DNM2: variants seen among roughly 807,000 people sequenced by gnomAD.
The protein encoded by DNM2 is dynamin 2.
In DNM2, 15 loss-of-function variants were observed where a neutral mutation model predicts 99.0. That is an observed-to-expected ratio of 0.15 (90% CI 0.10 to 0.23). The LOEUF is 0.23. DNM2 is among the 10% of genes least tolerant of loss of function. The probability of loss-of-function intolerance (pLI) is 1.00; values close to 1 mark genes in which losing one functional copy is unlikely to be tolerated. For synonymous variants in DNM2, 525 were observed against 481.2 expected (o/e 1.09, Z -1.19); for missense variants, 742 against 1,189.4 (o/e 0.62, Z 5.53).
In DNM2 at chr19:10,820,628, C is replaced by T. The variant is rs765135381; in HGVS notation, c.1781+539C>T. ...GCACTGCCCAGCTGCTGCCATTGGC[C>T]GAGGTGGGGAAGGCAGCGGCAGGTA... is the stretch of plus-strand genomic sequence containing the variant. On this transcript the variant is annotated intron_variant, in intron 16 of 20. Coordinates refer to ENST00000389253, the MANE Select transcript of DNM2 (RefSeq NM_001005361.3). This position sits in a 1 kb window ranked among gnomAD's most constrained non-coding sequence, Gnocchi z 4.3. 7.2e-5 allele frequency among the ~76,000 whole-genome samples: 11 copies of T among 152,158 alleles called. No homozygotes were observed. The highest frequency in any genetic ancestry group is 1.5e-4 in the Non-Finnish European group (10 of 68,028).
rs1283318538 is a variant in DNM2, at chr19:10,764,287, C to T, written c.235+4476C>T. ...CGCTGCCATCGTGGCCATGGCACCC[C>T]ATTGGCTGTGGTATGCTGTCTCTTC... On this transcript the variant is annotated intron_variant, in intron 2 of 20. Transcript: ENST00000389253. This position sits in a 1 kb window ranked among gnomAD's most constrained non-coding sequence, Gnocchi z 4.1. Among the ~76,000 whole-genome samples the T allele has an allele frequency of 1.3e-5, 2 of 152,304 alleles. No homozygotes were observed. The highest frequency in any genetic ancestry group is 1.9e-4 in the East Asian group (1 of 5,176).
intron 1 of DNM2, among the ~76,000 whole-genome samples, chr19:10,759,239 C>T (rs1336867741): frequency 6.6e-6 from 1 of 152,184 alleles, no homozygotes; most frequent in Non-Finnish European, 1.5e-5. Flanking sequence ...CCCCAGAAAG[C>T]TCCTTCCCCT....
chr19:10,758,226 G>A (rs887786150), intron 1 of DNM2, among the ~76,000 whole-genome samples: 21 of 150,488 alleles, frequency 1.4e-4, no homozygotes, highest in Non-Finnish European at 3.1e-4. Flanking sequence ...CATTGTGAAA[G>A]ACATGGAATT....
In DNM2 at chr19:10,812,750, G is replaced by T. The variant is rs975968065; in HGVS notation, c.1671+373G>T. Among the ~76,000 whole-genome samples the T allele has an allele frequency of 1.3e-5, 2 of 152,176 alleles. No individual in the cohort carries two copies. Among genetic ancestry groups the T allele is most frequent in the Non-Finnish European group, 2.9e-5 (2 of 68,030 alleles). ...TGCAGTGAGCCGAGATTGCGCCACT[G>T]CACTCCAGCCTGGGCGAGAGAGCGA... On this transcript the variant is annotated intron_variant, in intron 15 of 20. Coordinates refer to ENST00000389253, the MANE Select transcript of DNM2 (RefSeq NM_001005361.3). The surrounding 1 kb of genome is among the most constrained non-coding windows in gnomAD (Gnocchi z 4.0).
At chr19:10,752,843 A>G (rs1215320145) in intron 1 of DNM2, among the ~76,000 whole-genome samples, 3 of 152,208 alleles carry the variant, frequency 2.0e-5, no homozygotes, top group Admixed American at 2.0e-4. Flanking sequence ...CCTTGCCTCT[A>G]CAAGAAACTT....
At chr19:10,736,173 G>A (rs1029999707) in intron 1 of DNM2, among the ~76,000 whole-genome samples, 2 of 151,398 alleles carry the variant, frequency 1.3e-5, no homozygotes, top group Non-Finnish European at 2.9e-5. Flanking sequence ...ACTGAGGCAG[G>A]AGAATCACTT....
chr19:10,753,378 TCCTTCCCCTTCCCCCCTCC>T (rs1206911087), intron 1 of DNM2, among the ~76,000 whole-genome samples: 1 of 146,520 alleles, frequency 6.8e-6, no homozygotes, highest in Admixed American at 6.8e-5. Flanking sequence ...CTGTACCTTT[TCCTTCCCCTTCCCCCCTCC>T]CCCTTCCCTT....
intron 1 of DNM2, among the ~76,000 whole-genome samples, chr19:10,725,987 G>A (rs1317103107): frequency 2.0e-5 from 3 of 152,106 alleles, no homozygotes; most frequent in Non-Finnish European, 2.9e-5. Flanking sequence ...TGGGGAGGCC[G>A]AGGCGGGCGG....
At chr19:10,784,674 C>T (rs1349990684) in intron 6 of DNM2, among the ~76,000 whole-genome samples, 1 of 152,108 alleles carries the variant, frequency 6.6e-6, no homozygotes, top group Non-Finnish European at 1.5e-5. Flanking sequence ...AGACGGGGGT[C>T]GATGGCCAGG....
At chr19:10,814,502 A>C (rs1299093068) in intron 15 of DNM2, among the ~76,000 whole-genome samples, 1 of 152,144 alleles carries the variant, frequency 6.6e-6, no homozygotes, top group African/African-American at 2.4e-5. Context: ...TGTTAACTAT[A>C]GTCTTAACTG....
chr19:10,777,978 T>C (rs1297868604), intron 5 of DNM2, among the ~76,000 whole-genome samples: 1 of 151,710 alleles, frequency 6.6e-6, no homozygotes, highest in Non-Finnish European at 1.5e-5. Flanking sequence ...GCTTCGGTGG[T>C]TATTATTATT....
At chr19:10,735,465 GT>G (rs2069489474) in intron 1 of DNM2, among the ~76,000 whole-genome samples, 1 of 152,134 alleles carries the variant, frequency 6.6e-6, no homozygotes, top group Admixed American at 6.6e-5. Context: ...CCACTGGAAA[GT>G]TACTAGTTTT....
chr19:10,789,978 T>C (rs2071695084), intron 7 of DNM2, among the ~76,000 whole-genome samples: 1 of 152,278 alleles, frequency 6.6e-6, no homozygotes, highest in African/African-American at 2.4e-5. Context: ...ACCAGTTGCC[T>C]TGCAGGGCCC....
At chr19:10,803,010 C>T (rs1180274864) in intron 12 of DNM2, among the ~76,000 whole-genome samples, 2 of 152,186 alleles carry the variant, frequency 1.3e-5, no homozygotes, top group Non-Finnish European at 2.9e-5. Flanking sequence ...CGGGTGGTGC[C>T]GCTGGTATGC....
chr19:10,805,249 A>G (rs3826804), intron 12 of DNM2, among the ~76,000 whole-genome samples: 45,358 of 152,006 alleles, frequency 0.3, 6,988 homozygotes, highest in East Asian at 0.58. Context: ...TCATTTCATG[A>G]CCAGCAGCTG....
In DNM2 at chr19:10,738,984, C is replaced by T. The variant is rs1020288096; in HGVS notation, c.161+20581C>T. Among the ~76,000 whole-genome samples the T allele has an allele frequency of 4.6e-5, 7 of 151,818 alleles. No homozygotes were observed. In the South Asian group the frequency reaches 6.2e-4, roughly 14 times the overall value. ...GAGATTGAGACCATCCTGGCTAACA[C>T]GGTGAAACCCCGTCTCTACTAAAAA... is the stretch of plus-strand genomic sequence containing the variant. On this transcript the variant is annotated intron_variant, in intron 1 of 20. Transcript: ENST00000389253.
chr19:10,732,905 C>G (rs1234683333), intron 1 of DNM2, among the ~76,000 whole-genome samples: 1 of 151,422 alleles, frequency 6.6e-6, no homozygotes, highest in Non-Finnish European at 1.5e-5. Context: ...TCTTTTGAGA[C>G]AAAGTCTCGC....
intron 3 of DNM2, among the ~76,000 whole-genome samples, chr19:10,774,743 T>TG (rs397722035): frequency 6.6e-6 from 1 of 150,580 alleles, no homozygotes; most frequent in Non-Finnish European, 1.5e-5. Flanking sequence ...TTTTTTTTTT[T>TG]GTATGCCTCT....
chr19:10,821,554 G>A (rs1465729606), intron 16 of DNM2, among the ~76,000 whole-genome samples: 1 of 151,282 alleles, frequency 6.6e-6, no homozygotes, highest in Non-Finnish European at 1.5e-5. Flanking sequence ...TTTTTTAAAC[G>A]GAGTTCCGCT....
Sources: allele counts gnomAD v4.1 joint callset (sites outside exome capture counted in the v4.1 genomes callset), GRCh38; gene constraint gnomAD v4.1.1; non-coding constraint Gnocchi (gnomAD v3.1); transcripts MANE v1.5; gene names NCBI Gene and HGNC (gene_info 2026-07-23, HGNC 2026-07-21).